ATP8A2: variants seen among roughly 807,000 people sequenced by gnomAD.
ATP8A2 encodes the protein ATPase phospholipid transporting 8A2.
A neutral mutation model predicts 165.6 loss-of-function variants in ATP8A2; 100 were observed. The observed-to-expected ratio is 0.60, with a 90% confidence interval of 0.51 to 0.71. The LOEUF is 0.71. Among genes scored for constraint, ATP8A2 ranks in the 30% least tolerant of loss-of-function variants. The probability of loss-of-function intolerance (pLI) is 0.00; values close to 1 mark genes in which losing one functional copy is unlikely to be tolerated. For missense variants in ATP8A2, 1,227 were observed against 1,479.5 expected, an observed-to-expected ratio of 0.83 and a Z score of 2.80; for synonymous variants, 543 against 548.8, an observed-to-expected ratio of 0.99 and a Z score of 0.15.
At chr13:25,541,835 T>G (rs2038487008) in intron 8 of ATP8A2, 84 bp from the exon 9 acceptor site, 3 of 1,467,668 alleles carry the variant, frequency 2.0e-6, no homozygotes, top group Non-Finnish European at 2.8e-6. Flanking sequence ...TTATTTTTCC[T>G]TTTGATTAAC....
chr13:25,588,856 G>A (rs140727795), intron 23 of ATP8A2, among the ~76,000 whole-genome samples: 151 of 152,248 alleles, frequency 9.9e-4, no homozygotes, highest in African/African-American at 3.4e-3. Flanking sequence ...TTGGAGTTGC[G>A]AGAGCCCTCT....
chr13:25,966,924 A>G (rs905217250), intron 34 of ATP8A2, among the ~76,000 whole-genome samples: 1 of 152,004 alleles, frequency 6.6e-6, no homozygotes, highest in South Asian at 2.1e-4. Flanking sequence ...AGAGAGAGGG[A>G]GGGTGATGGT....
intron 1 of ATP8A2, among the ~76,000 whole-genome samples, chr13:25,419,511 A>G (rs1318581088): frequency 6.6e-6 from 1 of 151,372 alleles, no homozygotes; most frequent in Non-Finnish European, 1.5e-5. Flanking sequence ...AGCATTTTTT[A>G]TGCTATTTTT....
chr13:25,741,994 G>T (rs1040991696), intron 25 of ATP8A2, among the ~76,000 whole-genome samples: 4 of 152,186 alleles, frequency 2.6e-5, no homozygotes, highest in African/African-American at 7.2e-5. Flanking sequence ...GTACAGTCAT[G>T]CATTACTTAA....
At chr13:25,462,737 G>A (rs9511812) in intron 1 of ATP8A2, among the ~76,000 whole-genome samples, 55,429 of 151,496 alleles carry the variant, frequency 0.37, 11,265 homozygotes, top group East Asian at 0.6. Context: ...TTTCTGGGAT[G>A]GCTGGACCCC....
intron 25 of ATP8A2, among the ~76,000 whole-genome samples, chr13:25,735,899 C>T (rs1456590450): frequency 6.6e-6 from 1 of 152,204 alleles, no homozygotes; most frequent in African/African-American, 2.4e-5. Context: ...ACTCACTACT[C>T]ACTGACTCAC....
intron 28 of ATP8A2, among the ~76,000 whole-genome samples, chr13:25,832,961 G>GA (rs767081857): frequency 6.9e-6 from 1 of 144,356 alleles, no homozygotes; most frequent in African/African-American, 2.9e-5. Context: ...GAAAACAAAA[G>GA]AAAAAACAGT....
chr13:25,375,990 GAAC>G (rs2032612029), intron 1 of ATP8A2, among the ~76,000 whole-genome samples: 1 of 152,058 alleles, frequency 6.6e-6, no homozygotes. Flanking sequence ...GTTTTTGCCA[GAAC>G]AACCTGCCCC....
chr13:25,581,029 G>C lies in ATP8A2; in HGVS notation c.2008-790G>C, dbSNP rs114903939. Among the ~76,000 whole-genome samples, 747 of 152,120 alleles carry C rather than the reference G, an allele frequency of 4.9e-3. 8 individuals carry two copies. Among genetic ancestry groups the C allele is most frequent in the African/African-American group, 0.017 (711 of 41,486 alleles). ...TAAATCTGAATTCAGGTGTTTATTT[G>C]CCCTGTTTTACTGGAAATAGCCAAA... On this transcript the variant is annotated intron_variant, in intron 22 of 36. Transcript: ENST00000381655.
intron 24 of ATP8A2, among the ~76,000 whole-genome samples, chr13:25,672,048 C>A (rs915149904): frequency 6.6e-6 from 1 of 152,198 alleles, no homozygotes; most frequent in Non-Finnish European, 1.5e-5. Context: ...AAAGAACCTA[C>A]ATGAATATCG....
intron 24 of ATP8A2, among the ~76,000 whole-genome samples, chr13:25,693,135 G>A (rs769036591): frequency 1.3e-5 from 2 of 152,090 alleles, no homozygotes; most frequent in Non-Finnish European, 2.9e-5. Context: ...GGACTAAATA[G>A]GCATTAACTG....
chr13:25,372,276 C>A lies in ATP8A2; in HGVS notation c.64C>A (p.Arg22Ser). Residue 22 changes from arginine (R) to serine (S), a missense_variant, in exon 1 of 37, where the codon CGC becomes AGC. By Grantham distance (110) the Arg-to-Ser change is moderately radical (BLOSUM62 -1). Transcript: ENST00000381655. The surrounding 1 kb of genome is among the most constrained non-coding windows in gnomAD (Gnocchi z 4.8). ...KMSLPRRSRI[R>S]SSVGPVRSSL... ...GTCCCTGCCGCGGAGGTCGAGGATC[C>A]GCTCGTCCGTGGGTGAGCTGGGAGG... 1.4e-6 allele frequency: 2 copies of A among 1,464,030 alleles called. No homozygotes were observed. Among genetic ancestry groups the A allele is most frequent in the South Asian group, 2.6e-5 (2 of 77,578 alleles). The allele number at this position is 1,464,030 out of a possible 1,614,324, so 90.7% of individuals were successfully genotyped here.
At chr13:25,638,435 A>G (rs1363539614) in intron 24 of ATP8A2, among the ~76,000 whole-genome samples, 1 of 152,256 alleles carries the variant, frequency 6.6e-6, no homozygotes, top group African/African-American at 2.4e-5. Flanking sequence ...GCTGAAAACT[A>G]TGGCACGAGA....
chr13:26,007,308 T>C (rs1284773142), intron 35 of ATP8A2, among the ~76,000 whole-genome samples: 3 of 152,184 alleles, frequency 2.0e-5, no homozygotes, highest in Non-Finnish European at 4.4e-5. Context: ...ATTGGAAAAA[T>C]AATGTTCCTT....
At chr13:25,386,177 A>G (rs930266529) in intron 1 of ATP8A2, among the ~76,000 whole-genome samples, 3 of 152,080 alleles carry the variant, frequency 2.0e-5, no homozygotes, top group African/African-American at 7.2e-5. Flanking sequence ...CAGCCTCCCA[A>G]AGTGCTGGGA....
intron 24 of ATP8A2, among the ~76,000 whole-genome samples, chr13:25,616,046 G>C (rs559078144): frequency 6.6e-6 from 1 of 152,220 alleles, no homozygotes; most frequent in Admixed American, 6.5e-5. Flanking sequence ...GGAACTGCAA[G>C]TTAGTCCTGC....
intron 2 of ATP8A2, among the ~76,000 whole-genome samples, chr13:25,513,447 G>A (rs919168224): frequency 3.5e-4 from 53 of 150,492 alleles, no homozygotes; most frequent in African/African-American, 1.2e-3. Context: ...GATGGCGGCC[G>A]GGAAGAGGCG....
At chr13:25,570,103 A>T (rs766411943) in intron 16 of ATP8A2, among the ~76,000 whole-genome samples, 5 of 152,206 alleles carry the variant, frequency 3.3e-5, no homozygotes, top group Non-Finnish European at 7.3e-5. Context: ...ATACATATCC[A>T]GGGCAATTCT....
chr13:25,469,668 T>G (rs1451433709), intron 2 of ATP8A2, among the ~76,000 whole-genome samples: 1 of 152,224 alleles, frequency 6.6e-6, no homozygotes, highest in Non-Finnish European at 1.5e-5. Context: ...CTACTTTTGC[T>G]GGCCGCTATG....
Sources: gnomAD v4.1 joint callset for allele counts (sites outside exome capture counted in the v4.1 genomes callset) on GRCh38, gnomAD v4.1.1 for gene constraint, Gnocchi (gnomAD v3.1) non-coding constraint, MANE v1.5 for transcripts, NCBI Gene and HGNC (gene_info 2026-07-23, HGNC 2026-07-21) for gene names.